ELMO1: variants seen among roughly 807,000 people sequenced by gnomAD.
ELMO1 encodes engulfment and cell motility 1.
A neutral mutation model predicts 98.9 loss-of-function variants in ELMO1; 26 were observed. The ratio of observed to expected loss-of-function variants is 0.26; its 90% CI spans 0.19 to 0.36. ELMO1 has a LOEUF of 0.36. Ranked by LOEUF, ELMO1 falls within the 10% of genes least tolerant of loss-of-function variation. The pLI, the probability that ELMO1 is intolerant of heterozygous loss-of-function variation, is 1.00. For synonymous variants in ELMO1, 346 were observed against 346.0 expected (o/e 1.00, Z 0.00); for missense variants, 627 against 935.2 (o/e 0.67, Z 4.30).
chr7:37,171,755 G>T (rs1439492559), intron 13 of ELMO1, among the ~76,000 whole-genome samples: 1 of 152,062 alleles, frequency 6.6e-6, no homozygotes, highest in Non-Finnish European at 1.5e-5. Context: ...GCCTCCCAAA[G>T]TGCTGGGATT....
rs573087846 is a variant in ELMO1 at position 37,219,599 on chromosome 7, G to A, written c.781-2904C>T. 2.4e-3 allele frequency among the ~76,000 whole-genome samples: 363 copies of A among 152,098 alleles called. 4 individuals are homozygous for A. Among genetic ancestry groups the A allele is most frequent in the Non-Finnish European group, 4.0e-3 (273 of 68,020 alleles). ...ATGGGCTTGGTGCTATCCAGGCTTC[G>A]GGGAGTTGTTTACTTGGCAAATACA... On this transcript the variant is annotated intron_variant, in intron 10 of 21. Transcript: ENST00000310758.
chr7:37,428,189 T>C (rs906095905), intron 1 of ELMO1, among the ~76,000 whole-genome samples: 4 of 152,048 alleles, frequency 2.6e-5, no homozygotes, highest in Non-Finnish European at 5.9e-5. Flanking sequence ...AAAAGAGAAC[T>C]AGGTCAAAGG....
intron 4 of ELMO1, among the ~76,000 whole-genome samples, chr7:37,290,918 A>T (rs529468770): frequency 6.6e-6 from 1 of 152,310 alleles, no homozygotes; most frequent in South Asian, 2.1e-4. Context: ...AAGAACAAGA[A>T]GATGATGACA....
intron 15 of ELMO1, among the ~76,000 whole-genome samples, chr7:37,022,186 G>A (rs2129180001): frequency 6.6e-6 from 1 of 152,284 alleles, no homozygotes; most frequent in Admixed American, 6.5e-5. Context: ...TGACTTTAAG[G>A]TGGGCGAAAG....
intron 2 of ELMO1, among the ~76,000 whole-genome samples, chr7:37,335,183 T>TTA (rs1460737949): frequency 1.3e-5 from 2 of 152,050 alleles, no homozygotes; most frequent in Non-Finnish European, 2.9e-5. Context: ...ATATAAGAAA[T>TTA]TAGAAAACTG....
At chr7:36,927,071 T>C (rs969921524) in intron 16 of ELMO1, among the ~76,000 whole-genome samples, 19 of 152,238 alleles carry the variant, frequency 1.2e-4, no homozygotes, top group African/African-American at 4.6e-4. Flanking sequence ...GAAATTGCCA[T>C]GCATTAGGAA....
chr7:37,292,082 C>T lies in ELMO1; in HGVS notation c.193-20200G>A, dbSNP rs1207262367. 4.0e-5 allele frequency among the ~76,000 whole-genome samples: 5 copies of T among 125,372 alleles called. 1 individual carries two copies. In the East Asian group the frequency reaches 1.0e-3, roughly 25 times the overall value. The allele number at this position is 125,372 out of a possible 152,430, so 82.2% of individuals were successfully genotyped here. On this transcript the variant is annotated intron_variant, in intron 4 of 21. Transcript: ENST00000310758. ...CCTGCCTCAGCTTGCCCAGTACCTGCGATTGCAGGCGCGCACCGCCACGCC... is the reference window on the plus strand; with the variant it reads ...CCTGCCTCAGCTTGCCCAGTACCTGTGATTGCAGGCGCGCACCGCCACGCC...
intron 2 of ELMO1, among the ~76,000 whole-genome samples, chr7:37,329,109 T>G (rs984862679): frequency 6.6e-6 from 1 of 152,134 alleles, no homozygotes. Flanking sequence ...CATTTTGGGT[T>G]GAAGATACAG....
chr7:36,957,486 T>A (rs758267216), intron 16 of ELMO1, among the ~76,000 whole-genome samples: 36 of 152,340 alleles, frequency 2.4e-4, no homozygotes, highest in Non-Finnish European at 4.4e-4. Context: ...CCTCTCTTTA[T>A]CATCATTCTT....
At chr7:37,134,026 T>C (rs1787101198) in intron 13 of ELMO1, among the ~76,000 whole-genome samples, 1 of 152,136 alleles carries the variant, frequency 6.6e-6, no homozygotes, top group East Asian at 1.9e-4. Flanking sequence ...ATGCTCAACG[T>C]CAGTAATCAT....
At chr7:37,312,057 C>G (rs1005822742) in intron 4 of ELMO1, among the ~76,000 whole-genome samples, 1 of 152,192 alleles carries the variant, frequency 6.6e-6, no homozygotes, top group Non-Finnish European at 1.5e-5. Flanking sequence ...CAAGAAATGG[C>G]AGCACACAAA....
chr7:37,316,607 C>T (rs555803814), intron 2 of ELMO1, among the ~76,000 whole-genome samples: 33 of 152,140 alleles, frequency 2.2e-4, no homozygotes, highest in Non-Finnish European at 4.0e-4. Flanking sequence ...TTGTGCTCCG[C>T]CTGCCCCCAA....
At chr7:37,433,084 G>C (rs1451613716) in intron 1 of ELMO1, among the ~76,000 whole-genome samples, 1 of 152,154 alleles carries the variant, frequency 6.6e-6, no homozygotes, top group African/African-American at 2.4e-5. Flanking sequence ...ACACCCAGAG[G>C]CTCCTCAACA....
chr7:37,282,819 T>C (rs1260177829), intron 4 of ELMO1, among the ~76,000 whole-genome samples: 1 of 152,182 alleles, frequency 6.6e-6, no homozygotes, highest in Admixed American at 6.5e-5. Flanking sequence ...TTTGAAGAAT[T>C]TGTGGTTTGA....
rs746347504 is a variant in ELMO1 at position 37,245,430 on chromosome 7, G to A, written c.414-1039C>T. Among the ~76,000 whole-genome samples, 52 of 152,242 alleles carry A rather than the reference G, an allele frequency of 3.4e-4. No homozygotes were observed. The South Asian group carries it at 4.6e-3, about 13-fold the overall frequency. ...TTTCACATTCTCAACCACATAAAATGTAACCATTTCAGAAATCCAAATCAC... is the reference window on the plus strand; with the variant it reads ...TTTCACATTCTCAACCACATAAAATATAACCATTTCAGAAATCCAAATCAC... On this transcript the variant is annotated intron_variant, in intron 6 of 21. Transcript: ENST00000310758.
chr7:37,276,528 G>A (rs556338150), intron 4 of ELMO1, among the ~76,000 whole-genome samples: 3 of 152,204 alleles, frequency 2.0e-5, no homozygotes, highest in African/African-American at 4.8e-5. Flanking sequence ...GGAGAATGGC[G>A]TGAACCCGGG....
rs536854235 is a variant in ELMO1 at position 37,401,390 on chromosome 7, A to G, written c.-74+47285T>C. Among the ~76,000 whole-genome samples, 177 of 152,346 alleles carry G rather than the reference A, an allele frequency of 1.2e-3. 2 individuals are homozygous for G. The highest frequency in any genetic ancestry group is 6.8e-3 in the South Asian group (33 of 4,828). On this transcript the variant is annotated intron_variant, in intron 1 of 21. Coordinates refer to ENST00000310758, the MANE Select transcript of ELMO1 (RefSeq NM_014800.11). Reference sequence around the variant, plus strand: ...CCCCTCACCCCTTTTCTCCTAAAGCAGATCATAAAATCGAGGAAGGATTTT... The same window carrying G: ...CCCCTCACCCCTTTTCTCCTAAAGCGGATCATAAAATCGAGGAAGGATTTT...
chr7:36,993,500 T>C (rs572191709), intron 16 of ELMO1, among the ~76,000 whole-genome samples: 64 of 152,310 alleles, frequency 4.2e-4, no homozygotes, highest in African/African-American at 1.5e-3. Flanking sequence ...CTTCAAACTG[T>C]TCTCTATCTA....
rs530156980 is a variant in ELMO1 at position 37,441,279 on chromosome 7, T to G, written c.-74+7396A>C. On this transcript the variant is annotated intron_variant, in intron 1 of 21. Coordinates refer to ENST00000310758, the MANE Select transcript of ELMO1 (RefSeq NM_014800.11). Reference sequence around the variant, plus strand: ...CATATTTCTACGGCACTTAAGCCACTCGATGGTGTTCTGGACTACGACAGC... The same window carrying G: ...CATATTTCTACGGCACTTAAGCCACGCGATGGTGTTCTGGACTACGACAGC... Among the ~76,000 whole-genome samples, 6 of 152,074 alleles carry G rather than the reference T, an allele frequency of 3.9e-5. No individual in the cohort carries two copies. The East Asian group carries it at 1.2e-3, about 29-fold the overall frequency.
Sources: gnomAD v4.1 joint callset for allele counts (sites outside exome capture counted in the v4.1 genomes callset) on GRCh38, gnomAD v4.1.1 for gene constraint, MANE v1.5 for transcripts, NCBI Gene and HGNC (gene_info 2026-07-23, HGNC 2026-07-21) for gene names.